COG5: variants seen among roughly 807,000 people sequenced by gnomAD.
COG5 encodes the protein component of oligomeric golgi complex 5.
COG5 carries 86 observed loss-of-function variants against 110.4 expected under a neutral mutation model. The observed-to-expected ratio is 0.78, with a 90% CI of 0.65 to 0.93. COG5 has a LOEUF of 0.93. Among genes scored for constraint, COG5 ranks in the 40% least tolerant of loss-of-function variants. The pLI is 0.00. For missense variants in COG5, 1,077 were observed against 987.0 expected (o/e 1.09, Z -1.22); for synonymous variants, 360 against 334.6 (o/e 1.08, Z -0.83).
chr7:107,412,679 A>G (rs1373556702), intron 6 of COG5, 47 bp from the exon 7 acceptor site: 1 of 1,190,846 alleles, frequency 8.4e-7, no homozygotes, highest in South Asian at 1.3e-5. Flanking sequence ...AATACTGAAT[A>G]AATATCAAGG....
rs184165681 is a variant in COG5 at position 107,331,204 on chromosome 7, G to A, written c.1027-6683C>T. Among the ~76,000 whole-genome samples, 9 of 152,214 alleles carry A rather than the reference G, an allele frequency of 5.9e-5. No individual in the cohort carries two copies. The East Asian group carries it at 7.7e-4, about 13-fold the overall frequency. On this transcript the variant is annotated intron_variant, in intron 10 of 21. Transcript: ENST00000297135. ...AAGAAAATCATTCTGGGCTGGGCAC[G>A]GTGGCTCACGCCTGTAATCCCAGCA... is the stretch of plus-strand genomic sequence containing the variant.
chr7:107,445,523 T>C (rs931463219), intron 6 of COG5, among the ~76,000 whole-genome samples: 12 of 152,224 alleles, frequency 7.9e-5, no homozygotes, highest in African/African-American at 2.9e-4. Flanking sequence ...TTACTGTGAA[T>C]CCATTTTGGA....
intron 6 of COG5, among the ~76,000 whole-genome samples, chr7:107,432,088 G>C (rs2129080387): frequency 6.6e-6 from 1 of 152,132 alleles, no homozygotes; most frequent in East Asian, 1.9e-4. Flanking sequence ...AAAGAAGAGA[G>C]AATGATCCTT....
intron 6 of COG5, among the ~76,000 whole-genome samples, chr7:107,504,259 A>G (rs1045352269): frequency 1.3e-5 from 2 of 152,090 alleles, no homozygotes; most frequent in Non-Finnish European, 2.9e-5. Flanking sequence ...AGATGATCAT[A>G]TAGTTTTTAT....
intron 8 of COG5, among the ~76,000 whole-genome samples, chr7:107,362,726 C>T (rs1035326593): frequency 4.6e-5 from 7 of 151,714 alleles, no homozygotes; most frequent in Non-Finnish European, 7.4e-5. Context: ...CTACCACTCT[C>T]ATGCCTCTTG....
chr7:107,479,978 G>A (rs1302755741), intron 6 of COG5, among the ~76,000 whole-genome samples: 1 of 151,870 alleles, frequency 6.6e-6, no homozygotes, highest in East Asian at 1.9e-4. Context: ...ACTTATTATG[G>A]GCATCCATCC....
At chr7:107,439,274 T>C (rs951953254) in intron 6 of COG5, among the ~76,000 whole-genome samples, 1 of 134,870 alleles carries the variant, frequency 7.4e-6, no homozygotes. Flanking sequence ...CTACAGCTTA[T>C]AAAAGAAAAA....
intron 19 of COG5, among the ~76,000 whole-genome samples, chr7:107,212,780 T>A (rs1040078697): frequency 6.6e-6 from 1 of 152,182 alleles, no homozygotes; most frequent in Non-Finnish European, 1.5e-5. Context: ...AACACCTACA[T>A]GGAACACAGA....
intron 7 of COG5, among the ~76,000 whole-genome samples, chr7:107,374,518 TACA>T (rs1344540165): frequency 3.9e-5 from 6 of 152,174 alleles, no homozygotes; most frequent in South Asian, 2.1e-4. Flanking sequence ...GATTTATGCA[TACA>T]ACAACTAAAA....
intron 6 of COG5, among the ~76,000 whole-genome samples, chr7:107,443,984 T>C (rs892526475): frequency 6.6e-6 from 1 of 152,156 alleles, no homozygotes; most frequent in Admixed American, 6.6e-5. Context: ...TCAGATTCAG[T>C]TACCTTAACA....
At chr7:107,446,443 A>C (rs1166976712) in intron 6 of COG5, among the ~76,000 whole-genome samples, 6 of 152,194 alleles carry the variant, frequency 3.9e-5, no homozygotes, top group Non-Finnish European at 8.8e-5. Flanking sequence ...CCAGCCTTCA[A>C]CATGATCCCC....
At chr7:107,440,008 T>C (rs1475875429) in intron 6 of COG5, among the ~76,000 whole-genome samples, 1 of 152,188 alleles carries the variant, frequency 6.6e-6, no homozygotes, top group Non-Finnish European at 1.5e-5. Flanking sequence ...CCTCCATGAA[T>C]TTCTTGACTA....
chr7:107,557,568 A>G (rs1300662750), intron 2 of COG5, among the ~76,000 whole-genome samples: 1 of 152,248 alleles, frequency 6.6e-6, no homozygotes, highest in Non-Finnish European at 1.5e-5. Flanking sequence ...AATAACATTT[A>G]TCAACTTTCT....
intron 11 of COG5, among the ~76,000 whole-genome samples, chr7:107,319,839 T>C (rs960668389): frequency 1.3e-5 from 2 of 152,144 alleles, no homozygotes; most frequent in African/African-American, 2.4e-5. Flanking sequence ...AGTGCTCTTG[T>C]AGGCCCAGCT....
intron 21 of COG5, chr7:107,208,988 A>T: frequency 1.0e-6 from 1 of 976,604 alleles, no homozygotes; most frequent in Non-Finnish European, 1.2e-6. Flanking sequence ...TAGCAGGCCT[A>T]CCCTGGAGAT....
At chr7:107,290,596 G>A (rs1427431465) in intron 12 of COG5, among the ~76,000 whole-genome samples, 1 of 152,160 alleles carries the variant, frequency 6.6e-6, no homozygotes, top group African/African-American at 2.4e-5. Flanking sequence ...AGTATTTCTT[G>A]TAAGCTGGAA....
At chr7:107,525,344 G>T (rs1800653710) in intron 6 of COG5, among the ~76,000 whole-genome samples, 1 of 151,798 alleles carries the variant, frequency 6.6e-6, no homozygotes, top group Non-Finnish European at 1.5e-5. Context: ...TAATATTGAA[G>T]GAAAGTCAGT....
chr7:107,390,742 C>T (rs1563006169), intron 7 of COG5, among the ~76,000 whole-genome samples: 1 of 148,664 alleles, frequency 6.7e-6, no homozygotes, highest in South Asian at 2.2e-4. Context: ...TCATGATTGT[C>T]TTATCTAGGA....
chr7:107,494,952 C>G (rs1260984619), intron 6 of COG5, among the ~76,000 whole-genome samples: 1 of 152,090 alleles, frequency 6.6e-6, no homozygotes, highest in Non-Finnish European at 1.5e-5. Flanking sequence ...CTGAGAGCCA[C>G]AGGAGCAAGA....
Sources: gnomAD v4.1 joint callset for allele counts (sites outside exome capture counted in the v4.1 genomes callset) on GRCh38, gnomAD v4.1.1 for gene constraint, MANE v1.5 for transcripts, NCBI Gene and HGNC (gene_info 2026-07-23, HGNC 2026-07-21) for gene names.